The following SPATA21 variants were observed in gnomAD, a reference collection of about 807,000 sequenced individuals.
SPATA21 encodes the protein spermatogenesis-associated protein 21.
In SPATA21, 47 loss-of-function variants were observed where a neutral mutation model predicts 54.8. The observed-to-expected ratio is 0.86, with a 90% CI of 0.68 to 1.09. SPATA21 has a LOEUF of 1.09. SPATA21 is among the 50% of genes least tolerant of loss of function. The pLI, the probability that SPATA21 is intolerant of heterozygous loss-of-function variation, is 0.00. For synonymous variants in SPATA21, 245 were observed against 235.3 expected, an observed-to-expected ratio of 1.04 and a Z score of -0.38; for missense variants, 599 against 596.4, an observed-to-expected ratio of 1.00 and a Z score of -0.05.
chr1:16,405,264 G>T (rs2100794740), intron 7 of SPATA21, among the ~76,000 whole-genome samples, 160 bp from the exon 8 acceptor site: 1 of 152,212 alleles, frequency 6.6e-6, no homozygotes, highest in East Asian at 1.9e-4. Context: ...CATTTTGGGA[G>T]GCTGAGGCAG....
In SPATA21 at chr1:16,399,493, C is replaced by A. The variant is rs750629484; in HGVS notation, c.1203G>T (p.Gln401His). The A allele has an allele frequency of 1.2e-6, 2 of 1,614,006 alleles. No homozygotes were observed. Among genetic ancestry groups the A allele is most frequent in the Non-Finnish European group, 1.7e-6 (2 of 1,179,990 alleles). Residue 401 changes from glutamine to histidine, a missense_variant, in exon 12 of 13, where the codon CAG becomes CAT. By Grantham distance (24) the Gln-to-His change is conservative. Coordinates refer to ENST00000335496, the MANE Select transcript of SPATA21 (RefSeq NM_198546.1). ...GTGGGCAGAGCAGGATGCAGGGCACCTGGGCATAGGGGCTCTGCAGGTTGG... is the reference window on the plus strand; with the variant it reads ...GTGGGCAGAGCAGGATGCAGGGCACATGGGCATAGGGGCTCTGCAGGTTGG... Reference protein sequence around the residue: ...YAPNLQSPYAQVPCILLCPQL... With the variant: ...YAPNLQSPYAHVPCILLCPQL...
At chr1:16,400,672 G>A (rs889870370) in intron 11 of SPATA21, 48 bp downstream of exon 11, 6 of 1,555,008 alleles carry the variant, frequency 3.9e-6, no homozygotes, top group Non-Finnish European at 5.2e-6. Context: ...ATGGGCAAGA[G>A]AGCAAAGCCC....
At position 16,409,917 on chromosome 1, in the gene SPATA21, C is replaced by T; in HGVS notation, c.271G>A (p.Glu91Lys). The change falls in exon 6 of 13, where the codon GAG becomes AAG. Residue 91 changes from glutamate (E) to lysine (K), a missense_variant. Glu to Lys is a moderately conservative substitution (Grantham distance 56). Transcript: ENST00000335496. The surrounding 1 kb of genome is among the most constrained non-coding windows in gnomAD (Gnocchi z 4.1). ...FRQGFMKCLL[E>K]VEKMEASHRR... ...TGGGAGGCCTCCATTTTCTCCACCT[C>T]CAGCAAGCACTTCATGAAGCCCTGC... 1 of 1,613,936 alleles carries T rather than the reference C, an allele frequency of 6.2e-7. No homozygotes were observed. Among genetic ancestry groups the T allele is most frequent in the Middle Eastern group, 1.7e-4 (1 of 6,060 alleles).
rs1261393680 is a variant in SPATA21, at chr1:16,399,463, C to T, written c.1233G>A (p.Leu411=). 1.9e-6 allele frequency: 3 copies of T among 1,614,014 alleles called. No individual in the cohort carries two copies. In the African/African-American group the frequency reaches 4.0e-5, roughly 22 times the overall value. The change falls in exon 12 of 13, where the codon CTG becomes CTA. Residue 411 remains leucine (L), a synonymous_variant. Transcript: ENST00000335496. Reference sequence around the variant, plus strand: ...GCTGCCTACGGACCATCTTCTTGTCCAGCTGTGGGCAGAGCAGGATGCAGG... The same window carrying T: ...GCTGCCTACGGACCATCTTCTTGTCTAGCTGTGGGCAGAGCAGGATGCAGG... ...QVPCILLCPQ[L]DKKMVRRQPS... is the part of the protein sequence containing the mutation.
chr1:16,396,507 CT>C (rs1331502573), downstream of SPATA21: 2 of 152,296 alleles, frequency 1.3e-5, no homozygotes, highest in South Asian at 2.1e-4. Flanking sequence ...GCTTTGGCTC[CT>C]TGAGGTGGAA....
At chr1:16,411,122 T>G (rs970465154) in intron 5 of SPATA21, among the ~76,000 whole-genome samples, 1 of 150,406 alleles carries the variant, frequency 6.6e-6, no homozygotes, top group Non-Finnish European at 1.5e-5. Context: ...TCTCTCTTCC[T>G]AAGTTATCAA....
In SPATA21 at chr1:16,427,802, C is replaced by G. The variant is rs970976098; in HGVS notation, c.34+3536G>C. 2.0e-6 allele frequency: 3 copies of G among 1,494,922 alleles called. No homozygotes were observed. In the African/African-American group the frequency reaches 4.2e-5, roughly 21 times the overall value. The allele number at this position is 1,494,922 out of a possible 1,614,324, so 92.6% of individuals were successfully genotyped here. ...GAGTTCTCCATTCTCTCTCTCTCCCCCGCGGGTGGGCTACAGGGGGTTCTC... is the reference window on the plus strand; with the variant it reads ...GAGTTCTCCATTCTCTCTCTCTCCCGCGCGGGTGGGCTACAGGGGGTTCTC... On this transcript the variant is annotated intron_variant, in intron 3 of 12. Coordinates refer to ENST00000335496, the MANE Select transcript of SPATA21 (RefSeq NM_198546.1).
chr1:16,421,888 G>T lies in SPATA21; in HGVS notation c.95+23C>A. ...AAGAGCATCCTTGTTGGGGGCAGGGGATGGCACTGGATGATGACTTACCCT... is the reference window on the plus strand; with the variant it reads ...AAGAGCATCCTTGTTGGGGGCAGGGTATGGCACTGGATGATGACTTACCCT... On this transcript the variant is annotated intron_variant, in intron 4 of 12. Transcript: ENST00000335496. The surrounding 1 kb of genome is among the most constrained non-coding windows in gnomAD (Gnocchi z 5.2). 6.2e-7 allele frequency: 1 copy of T among 1,614,210 alleles called. No individual in the cohort carries two copies. The highest frequency in any genetic ancestry group is 8.5e-7 in the Non-Finnish European group (1 of 1,180,028).
chr1:16,424,229 C>G (rs1355827933), intron 3 of SPATA21, among the ~76,000 whole-genome samples: 1 of 111,560 alleles, frequency 9.0e-6, no homozygotes, highest in Non-Finnish European at 1.8e-5. Flanking sequence ...AGGAGAATGG[C>G]ATGAACCTGG....
chr1:16,411,135 T>G (rs1419122543), intron 5 of SPATA21, among the ~76,000 whole-genome samples: 1 of 152,144 alleles, frequency 6.6e-6, no homozygotes, highest in East Asian at 1.9e-4. Flanking sequence ...GTTATCAACT[T>G]CGCTTTCCCC....
chr1:16,424,222 A>AGGTT (rs1239003757), intron 3 of SPATA21, among the ~76,000 whole-genome samples: 1,072 of 6,580 alleles, frequency 0.16, 34 homozygotes, highest in Middle Eastern at 0.24. Context: ...CTGAGGCAGG[A>AGGTT]GAATGGCATG....
rs561458197 is a variant in SPATA21, at chr1:16,400,835, G to A, written c.1059C>T (p.Ala353=). Residue 353 remains alanine (A), a synonymous_variant, in exon 11 of 13, where the codon GCC becomes GCT. Coordinates refer to ENST00000335496, the MANE Select transcript of SPATA21 (RefSeq NM_198546.1). ...GCTTCTGCAACCGCAGCCGGCCTAC[G>A]GCCGCTTCCATCTCCTGGGCCTTGC... ...GTCKAQEMEA[A]VGRLRLQKLP... The A allele has an allele frequency of 5.6e-6, 9 of 1,614,194 alleles. No individual in the cohort carries two copies. Among genetic ancestry groups the A allele is most frequent in the African/African-American group, 4.0e-5 (3 of 75,038 alleles).
Position 16,403,487 on chromosome 1 carries a change from T to TC in SPATA21, c.1001+239_1001+240insG, listed in dbSNP as rs201353807. Among the ~76,000 whole-genome samples the TC allele has an allele frequency of 4.2e-4, 43 of 102,270 alleles. 1 individual carries two copies. Among genetic ancestry groups the TC allele is most frequent in the Non-Finnish European group, 7.3e-4 (30 of 41,266 alleles). The allele number at this position is 102,270 out of a possible 152,430, so 67.1% of individuals were successfully genotyped here. On this transcript the variant is annotated intron_variant, in intron 10 of 12. Coordinates refer to ENST00000335496, the MANE Select transcript of SPATA21 (RefSeq NM_198546.1). ...TAGTTTTATTCTAGTTTTTTTCTTTTTTTTCTTTTTTTTTTTTTTGAGACA... is the reference window on the plus strand; with the variant it reads ...TAGTTTTATTCTAGTTTTTTTCTTTTCTTTTCTTTTTTTTTTTTTTGAGACA...
At chr1:16,414,197 G>A (rs1252776834) in intron 5 of SPATA21, among the ~76,000 whole-genome samples, 3 of 151,818 alleles carry the variant, frequency 2.0e-5, no homozygotes, top group Non-Finnish European at 2.9e-5. Flanking sequence ...TCCCGAGTAG[G>A]TGGGATCACA....
intron 7 of SPATA21, among the ~76,000 whole-genome samples, chr1:16,405,927 A>G (rs564080855): frequency 9.9e-5 from 15 of 152,076 alleles, no homozygotes; most frequent in African/African-American, 3.6e-4. Flanking sequence ...TAAGCATTCT[A>G]CTCTTTTGAG....
chr1:16,403,162 C>T (rs758481160), intron 10 of SPATA21, among the ~76,000 whole-genome samples: 9 of 152,172 alleles, frequency 5.9e-5, no homozygotes, highest in Non-Finnish European at 1.3e-4. Context: ...GCCCTGGAGA[C>T]ACGTGGAGGC....
At chr1:16,402,442 C>T (rs3132274) in intron 10 of SPATA21, among the ~76,000 whole-genome samples, 21,741 of 150,876 alleles carry the variant, frequency 0.14, 1,891 homozygotes, top group African/African-American at 0.23. Flanking sequence ...TTTGTATTTT[C>T]AGTAGAGACG....
chr1:16,410,706 C>T (rs765745474), intron 5 of SPATA21: 26 of 240,342 alleles, frequency 1.1e-4, no homozygotes, highest in East Asian at 6.7e-4. Context: ...CCACTGCGCC[C>T]GGCCTAATCT....
intron 5 of SPATA21, among the ~76,000 whole-genome samples, chr1:16,411,281 G>A (rs1208949795): frequency 6.6e-6 from 1 of 152,012 alleles, no homozygotes; most frequent in African/African-American, 2.4e-5. Flanking sequence ...TGAATTCCTG[G>A]GCTCAAGAGA....
Sources: allele counts gnomAD v4.1 joint callset (sites outside exome capture counted in the v4.1 genomes callset), GRCh38; gene constraint gnomAD v4.1.1; non-coding constraint Gnocchi (gnomAD v3.1); transcripts MANE v1.5; gene names NCBI Gene and HGNC (gene_info 2026-07-23, HGNC 2026-07-21).